EFNA5: variants seen among roughly 807,000 people sequenced by gnomAD.
EFNA5 encodes the protein ephrin A5.
Under a neutral mutation model 22.9 loss-of-function variants are expected in EFNA5, and 5 were observed. The ratio of observed to expected loss-of-function variants is 0.22; its 90% CI spans 0.11 to 0.46. The LOEUF is 0.46. Ranked by LOEUF, EFNA5 falls within the 20% of genes least tolerant of loss-of-function variation. The pLI is 0.99. For missense variants in EFNA5, 237 were observed against 293.3 expected, an observed-to-expected ratio of 0.81 and a Z score of 1.40; for synonymous variants, 113 against 112.2, an observed-to-expected ratio of 1.01 and a Z score of -0.04.
chr5:107,465,663 G>C (rs751274934), intron 1 of EFNA5, among the ~76,000 whole-genome samples: 3 of 152,050 alleles, frequency 2.0e-5, no homozygotes, highest in Non-Finnish European at 2.9e-5. Context: ...TCACAGCAGC[G>C]TAAGAAATGT....
intron 1 of EFNA5, among the ~76,000 whole-genome samples, chr5:107,476,700 C>T (rs1750318959): frequency 6.6e-6 from 1 of 151,602 alleles, no homozygotes; most frequent in Admixed American, 6.6e-5. Context: ...ATTCTTAGTC[C>T]ATTTAGCTGC....
intron 1 of EFNA5, among the ~76,000 whole-genome samples, chr5:107,519,133 C>A (rs940389514): frequency 1.3e-5 from 2 of 152,198 alleles, no homozygotes; most frequent in Non-Finnish European, 1.5e-5. Flanking sequence ...ACTTGAATTA[C>A]CCTGTCGTTG....
intron 1 of EFNA5, among the ~76,000 whole-genome samples, chr5:107,479,880 TTAAAG>T (rs1330777508): frequency 6.6e-6 from 1 of 152,014 alleles, no homozygotes; most frequent in Non-Finnish European, 1.5e-5. Context: ...CTACACTATC[TTAAAG>T]TAATGGAAAA....
At chr5:107,525,491 T>C (rs1399739499) in intron 1 of EFNA5, among the ~76,000 whole-genome samples, 1 of 152,200 alleles carries the variant, frequency 6.6e-6, no homozygotes, top group Non-Finnish European at 1.5e-5. Flanking sequence ...TAAATACTAA[T>C]AGCCTATTGG....
chr5:107,532,568 G>C (rs1036936788), intron 1 of EFNA5, among the ~76,000 whole-genome samples: 2 of 152,198 alleles, frequency 1.3e-5, no homozygotes, highest in Non-Finnish European at 2.9e-5. Flanking sequence ...GACGGAAGAA[G>C]CATGGAATTT....
chr5:107,417,391 A>C (rs569469354), intron 2 of EFNA5, among the ~76,000 whole-genome samples: 1 of 152,274 alleles, frequency 6.6e-6, no homozygotes, highest in South Asian at 2.1e-4. Context: ...ATACATATTA[A>C]AGTTCTGTTC....
chr5:107,627,635 C>CAAAAA (rs758660866), intron 1 of EFNA5, among the ~76,000 whole-genome samples: 6 of 72,072 alleles, frequency 8.3e-5, no homozygotes, highest in Non-Finnish European at 1.1e-4. Context: ...GACCACATCT[C>CAAAAA]AAAAAAAAAA....
intron 1 of EFNA5, among the ~76,000 whole-genome samples, chr5:107,578,355 T>C (rs1028831169): frequency 6.6e-6 from 1 of 152,194 alleles, no homozygotes; most frequent in Non-Finnish European, 1.5e-5. Flanking sequence ...GAAATGTTGA[T>C]GATAATCAGT....
chr5:107,652,904 T>A (rs164839), intron 1 of EFNA5, among the ~76,000 whole-genome samples: 125,646 of 150,548 alleles, frequency 0.83, 52,269 homozygotes, highest in East Asian at 0.89. Context: ...TAAAAAAAAA[T>A]AGTTTAAATT....
At chr5:107,441,732 C>G (rs1419538280) in intron 1 of EFNA5, among the ~76,000 whole-genome samples, 1 of 151,974 alleles carries the variant, frequency 6.6e-6, no homozygotes, top group Non-Finnish European at 1.5e-5. Flanking sequence ...AAGGGTGGTG[C>G]CTTCTGAATA....
intron 1 of EFNA5, among the ~76,000 whole-genome samples, chr5:107,577,872 A>G (rs1458127977): frequency 1.3e-5 from 2 of 152,204 alleles, no homozygotes; most frequent in Non-Finnish European, 2.9e-5. Context: ...CAGGAGGGAT[A>G]AACCTTTTTT....
At position 107,651,920 on chromosome 5, in the gene EFNA5, T is replaced by C. The variant is rs189976246; in HGVS notation, c.125+18569A>G. On this transcript the variant is annotated intron_variant, in intron 1 of 4. Coordinates refer to ENST00000333274, the MANE Select transcript of EFNA5 (RefSeq NM_001962.3). The stretch of plus-strand genomic sequence containing the variant: ...AACAGTGCAGAACAATTCTAATACA[T>C]ATTAAGACCCTGTTAATCCATCTGT... Among the ~76,000 whole-genome samples the C allele has an allele frequency of 2.0e-5, 3 of 152,292 alleles. No homozygotes were observed. In the East Asian group the frequency reaches 5.8e-4, roughly 29 times the overall value.
intron 1 of EFNA5, among the ~76,000 whole-genome samples, chr5:107,428,457 A>G (rs1467610599): frequency 6.6e-6 from 1 of 152,324 alleles, no homozygotes; most frequent in Non-Finnish European, 1.5e-5. Flanking sequence ...TTCAATTCTC[A>G]TCTCACAAAA....
At chr5:107,451,232 T>C (rs1460226124) in intron 1 of EFNA5, among the ~76,000 whole-genome samples, 2 of 152,246 alleles carry the variant, frequency 1.3e-5, no homozygotes, top group Non-Finnish European at 2.9e-5. Context: ...TTACTTCACA[T>C]GTGTAATTTG....
chr5:107,383,051 C>T (rs1221470134), intron 4 of EFNA5, among the ~76,000 whole-genome samples: 1 of 152,132 alleles, frequency 6.6e-6, no homozygotes, highest in African/African-American at 2.4e-5. Context: ...ACAGGCTGAC[C>T]CCTGCTTCAG....
intron 1 of EFNA5, among the ~76,000 whole-genome samples, chr5:107,546,074 G>A (rs772670690): frequency 1.3e-5 from 2 of 152,152 alleles, no homozygotes; most frequent in Non-Finnish European, 1.5e-5. Context: ...TGCCCAGAGA[G>A]ATGGGGGCTG....
intron 1 of EFNA5, among the ~76,000 whole-genome samples, chr5:107,466,560 G>A (rs532266793): frequency 1.9e-4 from 29 of 152,262 alleles, no homozygotes; most frequent in East Asian, 5.8e-4. Context: ...CCAGCTGTGC[G>A]GCATGAGGAA....
At chr5:107,391,821 A>C (rs1326504163) in intron 2 of EFNA5, among the ~76,000 whole-genome samples, 1 of 152,176 alleles carries the variant, frequency 6.6e-6, no homozygotes, top group African/African-American at 2.4e-5. Context: ...TTTAACACAT[A>C]ATGAAATACA....
chr5:107,406,088 CCTATATTTGTATACATATTCT>C lies in EFNA5; in HGVS notation c.419-18338_419-18318del, dbSNP rs1392590177. On this transcript the variant is annotated intron_variant, in intron 2 of 4. Transcript: ENST00000333274. ...TATATACATAGAATGTATACAAATA[CCTATATTTGTATACATATTCT>C]ATGTATTTATATACATAGAATGTAT... 6.6e-5 allele frequency among the ~76,000 whole-genome samples: 8 copies of C among 121,536 alleles called. No homozygotes were observed. In the East Asian group the frequency reaches 1.5e-3, roughly 23 times the overall value. 79.7% of individuals were successfully genotyped at this position (121,536 alleles called of 152,430 possible). A position where few individuals can be genotyped will look rare whatever the true frequency, so the allele number is the denominator to read the frequency against.
Sources: allele counts gnomAD v4.1 joint callset (sites outside exome capture counted in the v4.1 genomes callset), GRCh38; gene constraint gnomAD v4.1.1; transcripts MANE v1.5; gene names NCBI Gene and HGNC (gene_info 2026-07-23, HGNC 2026-07-21).